The following VCPIP1 variants were observed in gnomAD, a reference collection of about 807,000 sequenced individuals.
VCPIP1 encodes deubiquitinating protein VCPIP1.
VCPIP1 carries 8 observed loss-of-function variants against 85.0 expected under a neutral mutation model. The observed-to-expected ratio is 0.09, with a 90% CI of 0.06 to 0.17. The LOEUF is 0.17. Ranked by LOEUF, VCPIP1 falls within the 10% of genes least tolerant of loss-of-function variation. The pLI is 1.00. For synonymous variants in VCPIP1, 543 were observed against 544.5 expected (o/e 1.00, Z 0.04); for missense variants, 1,070 against 1,486.3 (o/e 0.72, Z 4.61).
At position 66,634,530 on chromosome 8, in the gene VCPIP1, T is replaced by C; in HGVS notation, c.3640A>G (p.Asn1214Asp). ...GAGTGATCCATTGGCTCAGTTGTGTTAGTCATCTCAGCATCTTGACTATCC... is the reference window on the plus strand; with the variant it reads ...GAGTGATCCATTGGCTCAGTTGTGTCAGTCATCTCAGCATCTTGACTATCC... The part of the protein sequence containing the change: ...EMDSQDAEMT[N>D]TTEPMDHS The change falls in exon 3 of 3, where the codon AAC becomes GAC. Residue 1214 changes from asparagine to aspartate, a missense_variant. Physicochemically the swap from Asn to Asp is conservative, Grantham distance 23. This residue lies in a region of VCPIP1 where 255 missense variants were observed against 289.5 expected (regional missense o/e 0.88). Transcript: ENST00000310421. The C allele has an allele frequency of 6.2e-7, 1 of 1,609,270 alleles. No individual in the cohort carries two copies. The highest frequency in any genetic ancestry group is 8.5e-7 in the Non-Finnish European group (1 of 1,177,926).
intron 1 of VCPIP1, among the ~76,000 whole-genome samples, chr8:66,659,752 G>A (rs551344189): frequency 1.3e-5 from 2 of 151,912 alleles, no homozygotes; most frequent in Non-Finnish European, 2.9e-5. Flanking sequence ...GCAACGTGGC[G>A]AAACCCCATC....
Position 66,665,416 on chromosome 8 carries a change from A to G in VCPIP1, c.1543T>C (p.Leu515=). 6.2e-7 allele frequency: 1 copy of G among 1,614,240 alleles called. No homozygotes were observed. Among genetic ancestry groups the G allele is most frequent in the Non-Finnish European group, 8.5e-7 (1 of 1,180,054 alleles). The change falls in exon 1 of 3, where the codon TTG becomes CTG. Residue 515 remains leucine, a synonymous_variant. Transcript: ENST00000310421. This position sits in a 1 kb window ranked among gnomAD's most constrained non-coding sequence, Gnocchi z 4.3. Reference sequence around the variant, plus strand: ...TTCACTGAATCATATGAGCAAACCAAATTGTTCAAGGGAAAGCTGTAATTT... The same window carrying G: ...TTCACTGAATCATATGAGCAAACCAGATTGTTCAAGGGAAAGCTGTAATTT... ...DKNYSFPLNN[L]VCSYDSVKDV...
At position 66,630,613 on chromosome 8, in the gene VCPIP1, G is replaced by C. The variant is rs1224988510; in HGVS notation, c.*3888C>G. 4 of 152,362 alleles carry C rather than the reference G, an allele frequency of 2.6e-5. No individual in the cohort carries two copies. Among genetic ancestry groups the C allele is most frequent in the African/African-American group, 9.7e-5 (4 of 41,388 alleles). 9.4% of individuals were successfully genotyped at this position (152,362 alleles called of 1,614,324 possible). A position where few individuals can be genotyped will look rare whatever the true frequency, so the allele number is the denominator to read the frequency against. ...TAATTTTTCCTTTTCTTTTACAAGA[G>C]AATAATCATTAATATTATACTACAA... On this transcript the variant is annotated 3_prime_UTR_variant, in exon 3 of 3. Transcript: ENST00000310421.
At position 66,666,169 on chromosome 8, in the gene VCPIP1, C is replaced by T; in HGVS notation, c.790G>A (p.Ala264Thr). 1 of 1,614,136 alleles carries T rather than the reference C, an allele frequency of 6.2e-7. No homozygotes were observed. Among genetic ancestry groups the T allele is most frequent in the Non-Finnish European group, 8.5e-7 (1 of 1,180,004 alleles). ...QALFHDFIDA[A>T]EWEDIINECD... The stretch of plus-strand genomic sequence containing the variant: ...TCATTGATAATGTCCTCCCACTCAG[C>T]AGCATCAATGAAGTCATGGAACAGA... The change falls in exon 1 of 3, where the codon GCT becomes ACT. Residue 264 changes from alanine (A) to threonine (T), a missense_variant. By Grantham distance (58) the Ala-to-Thr change is moderately conservative. Around this residue, in one of 8 missense-constraint regions of VCPIP1, gnomAD observed 118 missense variants for 337.1 expected, o/e 0.35. Transcript: ENST00000310421. The surrounding 1 kb of genome is among the most constrained non-coding windows in gnomAD (Gnocchi z 6.3).
Position 66,634,318 on chromosome 8 carries a change from T to G in VCPIP1, c.*183A>C. Reference sequence around the variant, plus strand: ...AATTTATAGAAATTCAGAGCCAGCCTGGGCAGCAGTATATTAAAAGCTATG... The same window carrying G: ...AATTTATAGAAATTCAGAGCCAGCCGGGGCAGCAGTATATTAAAAGCTATG... On this transcript the variant is annotated 3_prime_UTR_variant, in exon 3 of 3. Transcript: ENST00000310421. 1.8e-6 allele frequency: 1 copy of G among 560,730 alleles called. No homozygotes were observed. The highest frequency in any genetic ancestry group is 2.8e-6 in the Non-Finnish European group (1 of 356,004). 34.7% of individuals were successfully genotyped at this position (560,730 alleles called of 1,614,324 possible). A position where few individuals can be genotyped will look rare whatever the true frequency, so the allele number is the denominator to read the frequency against.
rs1367142344 is a variant in VCPIP1, at chr8:66,633,995, C to G, written c.*506G>C. On this transcript the variant is annotated 3_prime_UTR_variant, in exon 3 of 3. Transcript: ENST00000310421. ...ATGAATGTGTTTACGTTCATAGAAA[C>G]ATTTGCATTCCACTGTCTAATAAAT... 6.6e-6 allele frequency: 1 copy of G among 152,292 alleles called. No homozygotes were observed. Among genetic ancestry groups the G allele is most frequent in the East Asian group, 1.9e-4 (1 of 5,200 alleles). 9.4% of individuals were successfully genotyped at this position (152,292 alleles called of 1,614,324 possible).
At chr8:66,662,777 G>A (rs1029054981) in intron 1 of VCPIP1, among the ~76,000 whole-genome samples, 2 of 151,674 alleles carry the variant, frequency 1.3e-5, no homozygotes, top group African/African-American at 4.8e-5. Context: ...CAACTCCGGG[G>A]TTGAAGCGAT....
intron 2 of VCPIP1, among the ~76,000 whole-genome samples, chr8:66,636,134 C>G (rs955432332): frequency 6.9e-6 from 1 of 145,628 alleles, no homozygotes; most frequent in Non-Finnish European, 1.5e-5. Flanking sequence ...GAGGCTGAGG[C>G]AGGAGAATTG....
At chr8:66,651,759 G>T (rs998222459) in intron 1 of VCPIP1, among the ~76,000 whole-genome samples, 2 of 152,040 alleles carry the variant, frequency 1.3e-5, no homozygotes, top group Non-Finnish European at 2.9e-5. Flanking sequence ...GCCAAGTGCT[G>T]TCATGGAAGA....
chr8:66,635,153 A>G lies in VCPIP1; in HGVS notation c.3017T>C (p.Leu1006Pro). The G allele has an allele frequency of 6.2e-7, 1 of 1,614,132 alleles. No individual in the cohort carries two copies. Among genetic ancestry groups the G allele is most frequent in the Non-Finnish European group, 8.5e-7 (1 of 1,180,038 alleles). The part of the protein sequence containing the change: ...ESSPSHGLLK[L>P]GSGGVVKKKS... ...CTTTTTCACTACTCCACCACTACCT[A>G]GTTTTAATAGCCCATGTGAGGGACT... Residue 1006 changes from leucine to proline, a missense_variant, in exon 3 of 3, where the codon CTA (leucine) becomes CCA (proline). Transcript: ENST00000310421.
At chr8:66,654,727 A>T (rs983252146) in intron 1 of VCPIP1, among the ~76,000 whole-genome samples, 1 of 152,010 alleles carries the variant, frequency 6.6e-6, no homozygotes, top group African/African-American at 2.4e-5. Flanking sequence ...ATTTCTCTCC[A>T]ACCCTCCTAA....
chr8:66,661,397 A>G (rs1385417010), intron 1 of VCPIP1, among the ~76,000 whole-genome samples: 1 of 152,190 alleles, frequency 6.6e-6, no homozygotes. Flanking sequence ...CCAAACTCAG[A>G]AAGTATTTAT....
Position 66,665,066 on chromosome 8 carries a change from G to A in VCPIP1, c.1893C>T (p.Thr631=). 1 of 1,613,950 alleles carries A rather than the reference G, an allele frequency of 6.2e-7. No homozygotes were observed. Among genetic ancestry groups the A allele is most frequent in the Non-Finnish European group, 8.5e-7 (1 of 1,179,924 alleles). Residue 631 remains threonine, a synonymous_variant, in exon 1 of 3, where the codon ACC becomes ACT. Transcript: ENST00000310421. The surrounding 1 kb of genome is among the most constrained non-coding windows in gnomAD (Gnocchi z 4.3). The part of the protein sequence containing the change: ...NVYDVAMKLV[T]KHFPGEFGSE... The stretch of plus-strand genomic sequence containing the variant: ...TCCCAAATTCACCTGGAAAGTGCTT[G>A]GTAACAAGTTTCATTGCAACATCGT...
At chr8:66,662,337 A>T (rs1268370575) in intron 1 of VCPIP1, among the ~76,000 whole-genome samples, 2 of 152,216 alleles carry the variant, frequency 1.3e-5, no homozygotes, top group Admixed American at 6.5e-5. Context: ...TCTAGTTACC[A>T]GAATTTTCAT....
At chr8:66,651,657 GA>G in intron 1 of VCPIP1, 113 bp from the exon 2 acceptor site, 2 of 723,998 alleles carry the variant, frequency 2.8e-6, no homozygotes. Context: ...CTAAATGAGT[GA>G]AACAGCCTGA....
chr8:66,650,001 C>A (rs184169423), intron 2 of VCPIP1, among the ~76,000 whole-genome samples: 389 of 151,742 alleles, frequency 2.6e-3, no homozygotes, highest in African/African-American at 8.9e-3. Flanking sequence ...AATTCAAACA[C>A]TGACTGGATA....
intron 1 of VCPIP1, among the ~76,000 whole-genome samples, chr8:66,661,669 GA>G (rs1196556254): frequency 6.6e-6 from 1 of 151,636 alleles, no homozygotes; most frequent in Admixed American, 6.6e-5. Context: ...CCAGGTAGCA[GA>G]GGTTGCAATG....
intron 1 of VCPIP1, among the ~76,000 whole-genome samples, chr8:66,652,137 G>A (rs1811060501): frequency 6.6e-6 from 1 of 152,144 alleles, no homozygotes; most frequent in African/African-American, 2.4e-5. Context: ...GCTGCAGGGA[G>A]CAGTGTTTGC....
At chr8:66,641,324 C>G (rs553933526) in intron 2 of VCPIP1, among the ~76,000 whole-genome samples, 48 of 152,114 alleles carry the variant, frequency 3.2e-4, no homozygotes, top group Non-Finnish European at 5.4e-4. Context: ...AGTTCACATA[C>G]AATTCACCCA....
Sources: allele counts gnomAD v4.1 joint callset (sites outside exome capture counted in the v4.1 genomes callset), GRCh38; gene constraint gnomAD v4.1.1; regional missense constraint gnomAD v4.1.1; non-coding constraint Gnocchi (gnomAD v3.1); transcripts MANE v1.5; gene names NCBI Gene and HGNC (gene_info 2026-07-23, HGNC 2026-07-21).